Variants in GALNT10 observed in about 807,000 individuals in gnomAD.
The protein encoded by GALNT10 is GalNAc transferase 10.
In GALNT10, 41 loss-of-function variants were observed where a neutral mutation model predicts 75.0. The observed-to-expected ratio is 0.55, with a 90% CI of 0.43 to 0.71. The LOEUF (loss-of-function observed/expected upper bound fraction) is 0.71, where lower values mean the gene tolerates loss of function less well. Among genes scored for constraint, GALNT10 ranks in the 30% least tolerant of loss-of-function variants. The pLI, the probability that GALNT10 is intolerant of heterozygous loss-of-function variation, is 0.00. For synonymous variants in GALNT10, 302 were observed against 313.0 expected (o/e 0.96, Z 0.37); for missense variants, 727 against 818.5 (o/e 0.89, Z 1.36).
chr5:154,306,663 T>G (rs762583141), intron 3 of GALNT10, among the ~76,000 whole-genome samples: 1 of 151,326 alleles, frequency 6.6e-6, no homozygotes, highest in Non-Finnish European at 1.5e-5. Flanking sequence ...GAAGAAAGGA[T>G]GTGAAAAAGG....
intron 1 of GALNT10, among the ~76,000 whole-genome samples, chr5:154,208,156 C>T (rs1274067095): frequency 1.3e-5 from 2 of 152,202 alleles, no homozygotes; most frequent in Admixed American, 6.5e-5. Context: ...TTTGACTGAA[C>T]ACTGCACATG....
intron 1 of GALNT10, among the ~76,000 whole-genome samples, chr5:154,294,430 AT>A (rs1265714941): frequency 5.3e-5 from 8 of 152,242 alleles, no homozygotes; most frequent in Non-Finnish European, 1.0e-4. Context: ...GGTAGAGTAC[AT>A]TATTAAAACA....
chr5:154,212,086 G>T (rs920033520), intron 1 of GALNT10, among the ~76,000 whole-genome samples: 2 of 152,168 alleles, frequency 1.3e-5, no homozygotes, highest in African/African-American at 2.4e-5. Flanking sequence ...TGGAGGGCCA[G>T]TGTCTGCCCT....
chr5:154,239,460 C>A (rs1189638397), intron 1 of GALNT10, among the ~76,000 whole-genome samples: 1 of 152,210 alleles, frequency 6.6e-6, no homozygotes, highest in Non-Finnish European at 1.5e-5. Context: ...GCATTAGGTT[C>A]TCATAGGAGC....
intron 3 of GALNT10, among the ~76,000 whole-genome samples, chr5:154,323,744 C>G (rs1011822074): frequency 1.3e-5 from 2 of 152,214 alleles, no homozygotes; most frequent in African/African-American, 4.8e-5. Flanking sequence ...CCTTCCTCCT[C>G]GCAGGCTTGT....
chr5:154,314,096 G>A (rs1367912073), intron 3 of GALNT10, among the ~76,000 whole-genome samples: 1 of 152,144 alleles, frequency 6.6e-6, no homozygotes, highest in Non-Finnish European at 1.5e-5. Context: ...CTGTAAAGTG[G>A]AAACTAAATT....
At chr5:154,279,109 T>C (rs1296681688) in intron 1 of GALNT10, among the ~76,000 whole-genome samples, 1 of 152,182 alleles carries the variant, frequency 6.6e-6, no homozygotes, top group Non-Finnish European at 1.5e-5. Flanking sequence ...ATTTAACCTT[T>C]TGGAAACCAC....
intron 1 of GALNT10, among the ~76,000 whole-genome samples, chr5:154,224,900 C>G (rs1461544468): frequency 1.3e-5 from 2 of 151,534 alleles, no homozygotes; most frequent in South Asian, 4.2e-4. Flanking sequence ...CCTGCCTCAG[C>G]CTCCTGGGTA....
chr5:154,412,925 A>G lies in GALNT10; in HGVS notation c.1423A>G (p.Lys475Glu). The G allele has an allele frequency of 6.2e-7, 1 of 1,613,534 alleles. No individual in the cohort carries two copies. Residue 475 changes from lysine to glutamate, a missense_variant, in exon 10 of 12, where the codon AAG becomes GAG. Lys to Glu is a moderately conservative substitution (Grantham distance 56). Coordinates refer to ENST00000297107, the MANE Select transcript of GALNT10 (RefSeq NM_198321.4). This position sits in a 1 kb window ranked among gnomAD's most constrained non-coding sequence, Gnocchi z 4.2. ...NVGTGLCADT[K>E]HGALGSPLRL... ...GGGCACAGGGCTGTGTGCAGACACAAAGCACGGGGCCTTGGGCTCCCCACT... is the reference window on the plus strand; with the variant it reads ...GGGCACAGGGCTGTGTGCAGACACAGAGCACGGGGCCTTGGGCTCCCCACT...
chr5:154,249,953 G>C (rs1753488879), intron 1 of GALNT10, among the ~76,000 whole-genome samples: 1 of 152,162 alleles, frequency 6.6e-6, no homozygotes, highest in African/African-American at 2.4e-5. Flanking sequence ...GCCTCCCTGT[G>C]ACCCTGTGCC....
chr5:154,312,213 T>C (rs4958726), intron 3 of GALNT10, among the ~76,000 whole-genome samples: 68,520 of 151,982 alleles, frequency 0.45, 16,780 homozygotes, highest in East Asian at 0.63. Flanking sequence ...ATTAAGATGG[T>C]ATCAAGGGCA....
intron 4 of GALNT10, chr5:154,329,946 G>C: frequency 5.1e-5 from 7 of 138,206 alleles, no homozygotes; most frequent in East Asian, 3.0e-4. Context: ...TATCTGTTTA[G>C]AAATGTATTA....
chr5:154,289,626 G>A (rs1367113785), intron 1 of GALNT10, among the ~76,000 whole-genome samples: 3 of 152,192 alleles, frequency 2.0e-5, no homozygotes, highest in Non-Finnish European at 4.4e-5. Context: ...TGTAAAATGA[G>A]GCAGCTAGAT....
At chr5:154,290,937 C>T (rs1754186218) in intron 1 of GALNT10, among the ~76,000 whole-genome samples, 1 of 152,144 alleles carries the variant, frequency 6.6e-6, no homozygotes, top group African/African-American at 2.4e-5. Flanking sequence ...CGTGCTTAGA[C>T]ATGTAGAACT....
intron 7 of GALNT10, chr5:154,388,725 T>C (rs993998530): frequency 4.0e-5 from 6 of 149,172 alleles, no homozygotes; most frequent in African/African-American, 1.5e-4. Context: ...GTATTATTCC[T>C]AGTTTACTTG....
intron 3 of GALNT10, among the ~76,000 whole-genome samples, chr5:154,314,379 A>G (rs1430443372): frequency 6.6e-6 from 1 of 152,124 alleles, no homozygotes; most frequent in Non-Finnish European, 1.5e-5. Context: ...ACCAAGGGCC[A>G]CTGTTTGAGA....
chr5:154,241,565 G>T (rs1460669705), intron 1 of GALNT10, among the ~76,000 whole-genome samples: 1 of 151,172 alleles, frequency 6.6e-6, no homozygotes, highest in Non-Finnish European at 1.5e-5. Context: ...ACATCACATT[G>T]TACTCCATAA....
intron 1 of GALNT10, among the ~76,000 whole-genome samples, chr5:154,250,834 A>C (rs771859349): frequency 1.6e-4 from 25 of 152,180 alleles, no homozygotes; most frequent in Non-Finnish European, 2.1e-4. Context: ...TATCCTCTGC[A>C]TATAGCCATT....
intron 1 of GALNT10, among the ~76,000 whole-genome samples, chr5:154,223,148 C>T (rs1445500675): frequency 2.0e-5 from 3 of 152,330 alleles, no homozygotes; most frequent in Non-Finnish European, 4.4e-5. Context: ...AAGGTACAGA[C>T]ATAATCAGAC....
Sources: allele counts gnomAD v4.1 joint callset (sites outside exome capture counted in the v4.1 genomes callset), GRCh38; gene constraint gnomAD v4.1.1; non-coding constraint Gnocchi (gnomAD v3.1); transcripts MANE v1.5; gene names NCBI Gene and HGNC (gene_info 2026-07-23, HGNC 2026-07-21).